Variants in HMGN3 observed in about 807,000 individuals in gnomAD.
The protein encoded by HMGN3 is high mobility group nucleosomal binding domain 3.
HMGN3 carries 6 observed loss-of-function variants against 18.8 expected under a neutral mutation model. The observed-to-expected ratio is 0.32, with a 90% CI of 0.18 to 0.63. The LOEUF (loss-of-function observed/expected upper bound fraction) is 0.63, where lower values mean the gene tolerates loss of function less well. HMGN3 is among the 30% of genes least tolerant of loss of function. HMGN3 has a pLI of 0.79. For synonymous variants in HMGN3, 40 were observed against 36.5 expected, an observed-to-expected ratio of 1.10 and a Z score of -0.35; for missense variants, 107 against 114.2, an observed-to-expected ratio of 0.94 and a Z score of 0.29.
At chr6:79,228,010 C>A (rs114205068) in intron 1 of HMGN3, among the ~76,000 whole-genome samples, 1 of 152,234 alleles carries the variant, frequency 6.6e-6, no homozygotes, top group Admixed American at 6.5e-5. Context: ...AGAAACATGG[C>A]GCCAGACAAC....
intron 1 of HMGN3, among the ~76,000 whole-genome samples, 199 bp from the exon 2 acceptor site, chr6:79,215,221 G>A (rs750384150): frequency 1.3e-5 from 2 of 152,190 alleles, no homozygotes; most frequent in Non-Finnish European, 2.9e-5. Context: ...CTGCATAACT[G>A]CTCGACTTTT....
chr6:79,218,184 T>C (rs1006391301), intron 1 of HMGN3, among the ~76,000 whole-genome samples: 10 of 152,186 alleles, frequency 6.6e-5, no homozygotes, highest in Non-Finnish European at 1.5e-4. Flanking sequence ...CTTTGTTTCT[T>C]ATCCCTTCTG....
At chr6:79,203,303 C>T (rs1776242206) in intron 4 of HMGN3, among the ~76,000 whole-genome samples, 1 of 152,176 alleles carries the variant, frequency 6.6e-6, no homozygotes, top group Non-Finnish European at 1.5e-5. Context: ...CTGTGTGCCG[C>T]ATGAACCGCA....
chr6:79,231,574 C>T (rs1199871731), intron 1 of HMGN3, among the ~76,000 whole-genome samples: 2 of 152,162 alleles, frequency 1.3e-5, no homozygotes, highest in African/African-American at 2.4e-5. Context: ...CAAAGATACA[C>T]ATAAAACTTA....
At chr6:79,212,215 A>G (rs9359369) in intron 2 of HMGN3, among the ~76,000 whole-genome samples, 139,050 of 152,174 alleles carry the variant, frequency 0.91, 64,023 homozygotes, top group East Asian at 1. Flanking sequence ...GGATTTTGGA[A>G]CAGGAGATGC....
chr6:79,218,685 TTGAC>T (rs1465552261), intron 1 of HMGN3, among the ~76,000 whole-genome samples: 3 of 152,200 alleles, frequency 2.0e-5, no homozygotes, highest in Non-Finnish European at 4.4e-5. Context: ...GGAGGGTAAT[TTGAC>T]TGGGAAAGAC....
chr6:79,214,097 A>G (rs1239929714), intron 2 of HMGN3, among the ~76,000 whole-genome samples: 1 of 152,138 alleles, frequency 6.6e-6, no homozygotes, highest in African/African-American at 2.4e-5. Context: ...AAAACAAAAC[A>G]TCTTTGAATC....
exon 6 of HMGN3, chr6:79,201,500 T>C: frequency 1.8e-6 from 1 of 548,740 alleles, no homozygotes; most frequent in Non-Finnish European, 3.2e-6. Flanking sequence ...GATATTTATT[T>C]TACTTGAGGA....
At chr6:79,231,260 A>T (rs1307251377) in intron 1 of HMGN3, among the ~76,000 whole-genome samples, 1 of 152,220 alleles carries the variant, frequency 6.6e-6, no homozygotes, top group Non-Finnish European at 1.5e-5. Flanking sequence ...TCTTCGTAGA[A>T]CATCAAATCA....
chr6:79,211,108 A>G (rs1776667609), intron 2 of HMGN3, among the ~76,000 whole-genome samples: 1 of 151,758 alleles, frequency 6.6e-6, no homozygotes, highest in South Asian at 2.1e-4. Context: ...GACTTGCTAC[A>G]TACAATTTCC....
At position 79,215,027 on chromosome 6, in the gene HMGN3, A is replaced by G; in HGVS notation, c.16-5T>C. The G allele has an allele frequency of 6.8e-7, 1 of 1,478,540 alleles. No homozygotes were observed. The highest frequency in any genetic ancestry group is 9.2e-7 in the Non-Finnish European group (1 of 1,082,972). The allele number at this position is 1,478,540 out of a possible 1,614,324, so 91.6% of individuals were successfully genotyped here. On this transcript the variant is annotated splice_region_variant and splice_polypyrimidine_tract_variant and intron_variant, in intron 1 of 5. Coordinates refer to ENST00000344726, the Ensembl canonical transcript of HMGN3. ...GCCCTCTGTATTCTCTGGAGACTAG[A>G]AAGAAAATATTTCAGTGAATTGTAT...
At chr6:79,225,837 A>G (rs1777540772) in intron 1 of HMGN3, among the ~76,000 whole-genome samples, 2 of 152,344 alleles carry the variant, frequency 1.3e-5, no homozygotes, top group South Asian at 4.1e-4. Context: ...CTTACCAAGA[A>G]CAGAACTGCA....
intron 5 of HMGN3, 46 bp from the exon 6 acceptor site, chr6:79,202,201 T>C (rs1330381322): frequency 1.2e-6 from 2 of 1,610,714 alleles, no homozygotes; most frequent in Non-Finnish European, 8.5e-7. Flanking sequence ...AAGAACGTGC[T>C]ATCACCGGCT....
intron 2 of HMGN3, 22 bp from the exon 3 acceptor site, chr6:79,208,598 A>G: frequency 6.3e-7 from 1 of 1,584,250 alleles, no homozygotes; most frequent in Non-Finnish European, 8.7e-7. Flanking sequence ...ATGGGAAAAT[A>G]TACATATTTT....
intron 1 of HMGN3, among the ~76,000 whole-genome samples, chr6:79,221,359 G>GTTGGCAACTTCAAAGC (rs1777275603): frequency 6.6e-6 from 1 of 152,184 alleles, no homozygotes; most frequent in Non-Finnish European, 1.5e-5. Flanking sequence ...CTGACCAACT[G>GTTGGCAACTTCAAAGC]TGCCATCCCC....
chr6:79,214,887 C>T lies in HMGN3; in HGVS notation c.66+85G>A, dbSNP rs192798697. The T allele has an allele frequency of 6.3e-6, 5 of 790,356 alleles. No individual in the cohort carries two copies. The Admixed American group carries it at 1.2e-4, about 20-fold the overall frequency. The allele number at this position is 790,356 out of a possible 1,614,324, so 49.0% of individuals were successfully genotyped here. ...TAAACTTTGTTCATACAATTGTCCG[C>T]ATTTCATTCAGATGCAGACAATCCT... On this transcript the variant is annotated intron_variant, in intron 2 of 5. Transcript: ENST00000344726.
At chr6:79,229,218 A>C (rs1489804916) in intron 1 of HMGN3, among the ~76,000 whole-genome samples, 1 of 152,196 alleles carries the variant, frequency 6.6e-6, no homozygotes, top group Non-Finnish European at 1.5e-5. Flanking sequence ...CAAAATTAAA[A>C]ACTTTTGTTC....
intron 1 of HMGN3, among the ~76,000 whole-genome samples, chr6:79,231,732 T>C (rs1777844977): frequency 6.6e-6 from 1 of 152,224 alleles, no homozygotes; most frequent in Admixed American, 6.5e-5. Flanking sequence ...CTTCTTTGTA[T>C]ATTTGAGTCC....
intron 1 of HMGN3, among the ~76,000 whole-genome samples, chr6:79,222,999 TAAAG>T (rs909066791): frequency 6.6e-6 from 1 of 152,194 alleles, no homozygotes; most frequent in Non-Finnish European, 1.5e-5. Context: ...TAACTAAAAA[TAAAG>T]AAAGTTGTGT....
Sources: gnomAD v4.1 joint callset for allele counts (sites outside exome capture counted in the v4.1 genomes callset) on GRCh38, gnomAD v4.1.1 for gene constraint, MANE v1.5 for transcripts, NCBI Gene and HGNC (gene_info 2026-07-23, HGNC 2026-07-21) for gene names.